CCSER1: variants seen among roughly 807,000 people sequenced by gnomAD.
CCSER1 encodes the protein coiled-coil serine rich protein 1, also known as serine-rich coiled-coil domain-containing protein 1.
Under a neutral mutation model 82.0 loss-of-function variants are expected in CCSER1, and 41 were observed. That is an observed-to-expected ratio of 0.50 (90% CI 0.39 to 0.65). The LOEUF (loss-of-function observed/expected upper bound fraction) is 0.65. Among genes scored for constraint, CCSER1 ranks in the 30% least tolerant of loss-of-function variants. The probability of loss-of-function intolerance (pLI) is 0.00; values close to 1 mark genes in which losing one functional copy is unlikely to be tolerated. For synonymous variants in CCSER1, 414 were observed against 383.9 expected (o/e 1.08, Z -0.92); for missense variants, 1,119 against 1,064.2 (o/e 1.05, Z -0.72).
chr4:90,819,116 C>T (rs934596428), intron 8 of CCSER1, among the ~76,000 whole-genome samples: 1 of 152,118 alleles, frequency 6.6e-6, no homozygotes, highest in East Asian at 1.9e-4. Flanking sequence ...GCCATCTTTT[C>T]GGTATGTGCT....
chr4:90,386,060 A>G (rs564843549), intron 3 of CCSER1, among the ~76,000 whole-genome samples: 117 of 152,220 alleles, frequency 7.7e-4, no homozygotes, highest in Non-Finnish European at 1.5e-3. Context: ...ATGAATCAAT[A>G]TTGTGAAAAT....
rs562075093 is a variant in CCSER1 at position 90,550,632 on chromosome 4, A to C, written c.1725-77393A>C. ...AAGAATGTCATTGACATAAAAGTGT[A>C]ATTGTTCTTCAATGTAACCTTACAA... is the stretch of plus-strand genomic sequence containing the variant. On this transcript the variant is annotated intron_variant, in intron 5 of 10. Transcript: ENST00000509176. 2.6e-5 allele frequency among the ~76,000 whole-genome samples: 4 copies of C among 152,322 alleles called. No homozygotes were observed. The East Asian group carries it at 7.7e-4, about 29-fold the overall frequency.
intron 1 of CCSER1, among the ~76,000 whole-genome samples, chr4:90,196,647 C>T (rs1391848438): frequency 9.3e-5 from 5 of 53,600 alleles, no homozygotes; most frequent in Non-Finnish European, 1.3e-4. Flanking sequence ...AATAATTTTC[C>T]TGCTCAGATA....
At chr4:91,477,985 A>G (rs879281505) in intron 10 of CCSER1, among the ~76,000 whole-genome samples, 2 of 151,918 alleles carry the variant, frequency 1.3e-5, no homozygotes, top group Non-Finnish European at 3.0e-5. Flanking sequence ...TTACGACTAT[A>G]TTCCAGTCTT....
chr4:90,541,882 T>TCAA (rs1362579704), intron 5 of CCSER1, among the ~76,000 whole-genome samples: 1 of 152,054 alleles, frequency 6.6e-6, no homozygotes, highest in Admixed American at 6.6e-5. Context: ...TAAAATGTAT[T>TCAA]CAACAACAGC....
intron 9 of CCSER1, among the ~76,000 whole-genome samples, chr4:90,996,480 A>G (rs906105790): frequency 6.6e-6 from 1 of 152,154 alleles, no homozygotes; most frequent in Non-Finnish European, 1.5e-5. Context: ...GTCATGAAGA[A>G]GAAAATAAAA....
chr4:90,987,932 G>A (rs1736703658), intron 9 of CCSER1, among the ~76,000 whole-genome samples: 1 of 151,678 alleles, frequency 6.6e-6, no homozygotes, highest in Admixed American at 6.6e-5. Context: ...AATTTTCACA[G>A]ATCTAGCCAA....
intron 5 of CCSER1, among the ~76,000 whole-genome samples, chr4:90,586,014 G>A (rs889265682): frequency 6.6e-6 from 1 of 152,276 alleles, no homozygotes; most frequent in Non-Finnish European, 1.5e-5. Context: ...TGTCCCAGAA[G>A]TATCTGAAAT....
chr4:90,387,236 TA>T (rs1165633262), intron 3 of CCSER1, among the ~76,000 whole-genome samples: 2 of 151,402 alleles, frequency 1.3e-5, no homozygotes, highest in Admixed American at 6.6e-5. Context: ...AAGCAATGAT[TA>T]AAAAAAAACC....
intron 10 of CCSER1, among the ~76,000 whole-genome samples, chr4:91,252,405 G>A (rs946846696): frequency 6.6e-6 from 1 of 151,994 alleles, no homozygotes; most frequent in African/African-American, 2.4e-5. Flanking sequence ...AAAAAATAAA[G>A]ATTTAAATAA....
chr4:90,922,870 A>C (rs1728584816), intron 8 of CCSER1, among the ~76,000 whole-genome samples: 1 of 152,174 alleles, frequency 6.6e-6, no homozygotes, highest in Non-Finnish European at 1.5e-5. Flanking sequence ...TAGTTATCAC[A>C]GGGTCGGATT....
intron 7 of CCSER1, among the ~76,000 whole-genome samples, chr4:90,744,330 C>A (rs897196949): frequency 6.6e-6 from 1 of 151,952 alleles, no homozygotes; most frequent in African/African-American, 2.4e-5. Flanking sequence ...CGGAAGTGGT[C>A]AAAAATTGAG....
At chr4:90,710,663 T>G (rs943097651) in intron 6 of CCSER1, among the ~76,000 whole-genome samples, 11 of 151,972 alleles carry the variant, frequency 7.2e-5, no homozygotes, top group African/African-American at 2.7e-4. Flanking sequence ...TATTTTTGAG[T>G]TCTCTCTTCT....
chr4:90,150,373 C>G (rs1051796875), intron 1 of CCSER1, among the ~76,000 whole-genome samples: 2 of 151,596 alleles, frequency 1.3e-5, no homozygotes, highest in African/African-American at 4.8e-5. Flanking sequence ...CAAATGTGGG[C>G]AAAAAAAGTG....
rs1173603635 is a variant in CCSER1, at chr4:91,351,611, A to G, written c.2218-246961A>G. ...AATCATGTTTTTATTAAATCATTTA[A>G]GAATATAAAATATGGGGAATATTTT... On this transcript the variant is annotated intron_variant, in intron 10 of 10. Transcript: ENST00000509176. 2.0e-5 allele frequency among the ~76,000 whole-genome samples: 3 copies of G among 152,128 alleles called. No homozygotes were observed. In the East Asian group the frequency reaches 5.8e-4, roughly 29 times the overall value.
intron 1 of CCSER1, among the ~76,000 whole-genome samples, chr4:90,142,419 A>G (rs539465851): frequency 6.6e-6 from 1 of 152,342 alleles, no homozygotes; most frequent in South Asian, 2.1e-4. Flanking sequence ...GTTCTGCAAC[A>G]ATGCATTTTT....
chr4:90,528,840 T>G (rs1336423499), intron 5 of CCSER1, among the ~76,000 whole-genome samples: 2 of 152,204 alleles, frequency 1.3e-5, no homozygotes, highest in Non-Finnish European at 2.9e-5. Context: ...TAAATTTTAT[T>G]ATATGTTATC....
chr4:90,566,710 C>T (rs946565164), intron 5 of CCSER1, among the ~76,000 whole-genome samples: 1 of 151,508 alleles, frequency 6.6e-6, no homozygotes, highest in Non-Finnish European at 1.5e-5. Context: ...TCACGCCATT[C>T]TCCTGCCTCA....
chr4:91,312,843 AT>A (rs1304919967), intron 10 of CCSER1, among the ~76,000 whole-genome samples: 1 of 151,996 alleles, frequency 6.6e-6, no homozygotes, highest in Non-Finnish European at 1.5e-5. Flanking sequence ...TGTATATACA[AT>A]TTTTAGAAGG....
Sources: allele counts gnomAD v4.1 joint callset (sites outside exome capture counted in the v4.1 genomes callset), GRCh38; gene constraint gnomAD v4.1.1; transcripts MANE v1.5; gene names NCBI Gene and HGNC (gene_info 2026-07-23, HGNC 2026-07-21).